Variants in CSMD1 observed in about 807,000 individuals in gnomAD.
CSMD1 encodes the protein CUB and sushi domain-containing protein 1.
A neutral mutation model predicts 417.5 loss-of-function variants in CSMD1; 213 were observed. The ratio of observed to expected loss-of-function variants is 0.51; its 90% confidence interval spans 0.46 to 0.57. The LOEUF (loss-of-function observed/expected upper bound fraction) is 0.57. Ranked by LOEUF, CSMD1 falls within the 20% of genes least tolerant of loss-of-function variation. The pLI is 0.00. For missense variants in CSMD1, 6,923 were observed against 4,529.7 expected (o/e 1.53, Z -15.17); for synonymous variants, 2,862 against 1,736.8 (o/e 1.65, Z -16.11).
intron 67 of CSMD1, 26 bp from the exon 68 acceptor site, chr8:2,949,412 G>A (rs1321365746): frequency 1.5e-6 from 2 of 1,306,410 alleles, no homozygotes; most frequent in Non-Finnish European, 2.2e-6. Context: ...GAAAAGAAAA[G>A]AAATAAAAAG....
chr8:3,174,038 C>G (rs1250321770), intron 37 of CSMD1, among the ~76,000 whole-genome samples: 1 of 152,124 alleles, frequency 6.6e-6, no homozygotes, highest in Non-Finnish European at 1.5e-5. Context: ...TGAAATGGAG[C>G]TCATACATCA....
At chr8:4,643,399 TCATTTTTGA>T (rs1311489526) in intron 1 of CSMD1, among the ~76,000 whole-genome samples, 1 of 152,258 alleles carries the variant, frequency 6.6e-6, no homozygotes, top group Non-Finnish European at 1.5e-5. Flanking sequence ...AAAGCATCTT[TCATTTTTGA>T]CATTTTTGTA....
chr8:4,439,902 G>A (rs1348680794), intron 2 of CSMD1, among the ~76,000 whole-genome samples: 3 of 152,140 alleles, frequency 2.0e-5, no homozygotes, highest in Admixed American at 6.5e-5. Context: ...CTACACAACA[G>A]TTAACAAGCT....
intron 5 of CSMD1, among the ~76,000 whole-genome samples, chr8:3,822,832 G>A (rs987823219): frequency 2.6e-5 from 4 of 151,978 alleles, no homozygotes; most frequent in South Asian, 2.1e-4. Context: ...TTTTTAGTAG[G>A]CACATAAAAT....
At chr8:4,403,008 T>C (rs933729120) in intron 3 of CSMD1, among the ~76,000 whole-genome samples, 1 of 151,776 alleles carries the variant, frequency 6.6e-6, no homozygotes, top group Non-Finnish European at 1.5e-5. Flanking sequence ...TGTTGTTGTT[T>C]TTTTAGTGGA....
intron 2 of CSMD1, among the ~76,000 whole-genome samples, chr8:4,521,551 T>A (rs938932833): frequency 3.9e-5 from 6 of 152,146 alleles, no homozygotes; most frequent in African/African-American, 1.4e-4. Flanking sequence ...CAGTGATACA[T>A]GATATGATAG....
chr8:3,574,344 G>C (rs898173856), intron 10 of CSMD1, among the ~76,000 whole-genome samples: 5 of 152,208 alleles, frequency 3.3e-5, no homozygotes, highest in African/African-American at 7.2e-5. Flanking sequence ...GGGTTCAAGC[G>C]ATTCCTGGGC....
chr8:3,800,518 A>G (rs1800396994), intron 5 of CSMD1, among the ~76,000 whole-genome samples: 1 of 152,122 alleles, frequency 6.6e-6, no homozygotes, highest in South Asian at 2.1e-4. Context: ...ATACAGAAAA[A>G]TTATCTCAAA....
intron 12 of CSMD1, among the ~76,000 whole-genome samples, chr8:3,428,918 A>G (rs1468273694): frequency 1.3e-5 from 2 of 152,238 alleles, no homozygotes; most frequent in Admixed American, 1.3e-4. Context: ...ACACTTTGTT[A>G]AGTAAAGTGA....
intron 1 of CSMD1, chr8:4,787,185 G>C (rs1055880301): frequency 1.9e-5 from 8 of 422,912 alleles, no homozygotes; most frequent in Non-Finnish European, 3.1e-5. Context: ...CTCGGAAAGA[G>C]TGGCGCAGGG....
chr8:4,078,343 C>G (rs2552139), intron 3 of CSMD1, among the ~76,000 whole-genome samples: 2,711 of 125,928 alleles, frequency 0.022, 87 homozygotes, highest in African/African-American at 0.078. Flanking sequence ...GAGAGGGAGT[C>G]TTGCTCTGTG....
intron 7 of CSMD1, among the ~76,000 whole-genome samples, chr8:3,659,814 C>T (rs17066851): frequency 0.053 from 8,039 of 152,160 alleles, 238 homozygotes; most frequent in East Asian, 0.11. Flanking sequence ...TAAAACCATT[C>T]GGCATAAAAT....
chr8:3,503,754 C>T (rs1188189708), intron 10 of CSMD1, among the ~76,000 whole-genome samples: 1 of 152,162 alleles, frequency 6.6e-6, no homozygotes, highest in Non-Finnish European at 1.5e-5. Context: ...TTCCCTGTCT[C>T]AGCCCACCTG....
In CSMD1 at chr8:3,923,301, T is replaced by G. The variant is rs187805903; in HGVS notation, c.818+74602A>C. ...GGAGCCCAGGCTGTCCCTTCCCCAT[T>G]TGGGGAGTTTATGTATGTATATATA... is the stretch of plus-strand genomic sequence containing the variant. On this transcript the variant is annotated intron_variant, in intron 5 of 69. Transcript: ENST00000635120. 4.1e-3 allele frequency among the ~76,000 whole-genome samples: 621 copies of G among 152,258 alleles called. 2 individuals carry two copies. Among genetic ancestry groups the G allele is most frequent in the South Asian group, 0.01 (50 of 4,818 alleles).
At chr8:4,672,484 A>G (rs565666845) in intron 1 of CSMD1, among the ~76,000 whole-genome samples, 22 of 152,324 alleles carry the variant, frequency 1.4e-4, no homozygotes, top group African/African-American at 5.3e-4. Flanking sequence ...AATTCCTTTT[A>G]TATTACTGAT....
chr8:3,061,821 C>T (rs1198793763), intron 49 of CSMD1, among the ~76,000 whole-genome samples: 1 of 152,050 alleles, frequency 6.6e-6, no homozygotes, highest in East Asian at 1.9e-4. Flanking sequence ...TTGGTAACAC[C>T]CTACAAGATA....
chr8:3,707,790 T>G (rs1329156146), intron 7 of CSMD1, among the ~76,000 whole-genome samples: 3 of 152,140 alleles, frequency 2.0e-5, no homozygotes, highest in Non-Finnish European at 2.9e-5. Flanking sequence ...CCAGGCATGG[T>G]CAGGGCTTCC....
In CSMD1 at chr8:4,085,331, CA is replaced by C. The variant is rs1208318062; in HGVS notation, c.416-53233del. Among the ~76,000 whole-genome samples the C allele has an allele frequency of 2.6e-5, 4 of 151,980 alleles. No individual in the cohort carries two copies. In the East Asian group the frequency reaches 7.7e-4, roughly 29 times the overall value. The stretch of plus-strand genomic sequence containing the variant: ...TTTAATGAAGCTTCTTGGAGTAAGA[CA>C]AAATGAATGGCATCTCACAACTCAA... On this transcript the variant is annotated intron_variant, in intron 3 of 69. Coordinates refer to ENST00000635120, the MANE Select transcript of CSMD1 (RefSeq NM_033225.6).
At chr8:4,155,665 C>T (rs1172464089) in intron 3 of CSMD1, among the ~76,000 whole-genome samples, 3 of 152,036 alleles carry the variant, frequency 2.0e-5, no homozygotes, top group Admixed American at 1.3e-4. Flanking sequence ...TTCAAAGAAA[C>T]GTGACAGATT....
Sources: gnomAD v4.1 joint callset for allele counts (sites outside exome capture counted in the v4.1 genomes callset) on GRCh38, gnomAD v4.1.1 for gene constraint, MANE v1.5 for transcripts, NCBI Gene and HGNC (gene_info 2026-07-23, HGNC 2026-07-21) for gene names.